The following ROBO2 variants were observed in gnomAD, a reference collection of about 807,000 sequenced individuals.
ROBO2 encodes roundabout homolog 2.
ROBO2 carries 53 observed loss-of-function variants against 160.8 expected under a neutral mutation model. That is an observed-to-expected ratio of 0.33 (90% CI 0.26 to 0.41). The LOEUF (loss-of-function observed/expected upper bound fraction) is 0.41. Ranked by LOEUF, ROBO2 falls within the 10% of genes least tolerant of loss-of-function variation. The pLI is 1.00. For synonymous variants in ROBO2, 664 were observed against 611.7 expected, an observed-to-expected ratio of 1.09 and a Z score of -1.26; for missense variants, 1,577 against 1,722.4, an observed-to-expected ratio of 0.92 and a Z score of 1.49.
At chr3:76,822,035 T>C (rs1015312485) in intron 2 of ROBO2, among the ~76,000 whole-genome samples, 1 of 151,926 alleles carries the variant, frequency 6.6e-6, no homozygotes, top group African/African-American at 2.4e-5. Flanking sequence ...TATAAATAAA[T>C]ATTTGGTGGT....
chr3:76,760,817 A>C (rs2108367894), intron 2 of ROBO2, among the ~76,000 whole-genome samples: 1 of 151,930 alleles, frequency 6.6e-6, no homozygotes, highest in East Asian at 2.0e-4. Context: ...CAATTTTATT[A>C]GTTTTAGAGT....
chr3:76,536,519 T>C (rs557659043), intron 2 of ROBO2, among the ~76,000 whole-genome samples: 1 of 152,216 alleles, frequency 6.6e-6, no homozygotes, highest in East Asian at 1.9e-4. Context: ...CTTGTCATAA[T>C]TGATAGCTTT....
At chr3:77,525,902 T>A (rs1408274924) in intron 6 of ROBO2, among the ~76,000 whole-genome samples, 1 of 149,714 alleles carries the variant, frequency 6.7e-6, no homozygotes, top group Admixed American at 6.7e-5. Context: ...AATTCAAAGA[T>A]GAAAAACAAA....
intron 2 of ROBO2, among the ~76,000 whole-genome samples, chr3:76,264,348 C>T (rs1274745100): frequency 6.0e-5 from 9 of 150,470 alleles, no homozygotes; most frequent in South Asian, 2.1e-4. Context: ...TTTTTTCCCC[C>T]TTGGTGGCCT....
At chr3:76,872,475 C>T (rs1007201192) in intron 2 of ROBO2, among the ~76,000 whole-genome samples, 5 of 151,884 alleles carry the variant, frequency 3.3e-5, no homozygotes, top group Admixed American at 3.3e-4. Flanking sequence ...AGTTAAGCAG[C>T]TCTGTATATT....
At chr3:76,855,313 C>T (rs199766906) in intron 2 of ROBO2, among the ~76,000 whole-genome samples, 1 of 152,134 alleles carries the variant, frequency 6.6e-6, no homozygotes, top group East Asian at 1.9e-4. Flanking sequence ...AGGAGTGGGG[C>T]AGAGATTTTA....
intron 1 of ROBO2, among the ~76,000 whole-genome samples, chr3:77,083,025 T>G (rs1283276021): frequency 6.6e-6 from 1 of 152,148 alleles, no homozygotes; most frequent in African/African-American, 2.4e-5. Context: ...ATGGGCAGTT[T>G]AGATACATAT....
intron 2 of ROBO2, among the ~76,000 whole-genome samples, chr3:76,571,813 A>G (rs1379204763): frequency 1.3e-5 from 2 of 152,178 alleles, no homozygotes; most frequent in Admixed American, 1.3e-4. Context: ...TTTTAAAACC[A>G]TCTTCCGTAT....
At chr3:76,883,658 G>C (rs1390922555) in intron 2 of ROBO2, among the ~76,000 whole-genome samples, 1 of 152,156 alleles carries the variant, frequency 6.6e-6, no homozygotes, top group Non-Finnish European at 1.5e-5. Context: ...ATCTAAGGTT[G>C]CTAACTATTC....
chr3:76,331,747 G>C lies in ROBO2; in HGVS notation c.109+394145G>C, dbSNP rs551485639. ...TCTGTCGCCCAGGCCTGGAGTTCAC[G>C]ATCTCAACTCACTGCAACTTCTGCC... is the stretch of plus-strand genomic sequence containing the variant. On this transcript the variant is annotated intron_variant, in intron 2 of 26. Transcript: ENST00000487694. Among the ~76,000 whole-genome samples, 9 of 149,572 alleles carry C rather than the reference G, an allele frequency of 6.0e-5. No individual in the cohort carries two copies. In the East Asian group the frequency reaches 1.6e-3, roughly 26 times the overall value.
chr3:76,814,960 T>C (rs2065531946), intron 2 of ROBO2, among the ~76,000 whole-genome samples: 1 of 152,040 alleles, frequency 6.6e-6, no homozygotes, highest in African/African-American at 2.4e-5. Flanking sequence ...AAACAAGCAA[T>C]TCATGCATCC....
intron 2 of ROBO2, among the ~76,000 whole-genome samples, chr3:76,780,626 G>T (rs1334475769): frequency 2.0e-5 from 3 of 150,516 alleles, no homozygotes; most frequent in Non-Finnish European, 4.5e-5. Context: ...CAGTTTAAGG[G>T]TTCAATTTTA....
intron 2 of ROBO2, among the ~76,000 whole-genome samples, chr3:75,957,330 C>A (rs973444687): frequency 6.6e-6 from 1 of 150,810 alleles, no homozygotes. Context: ...GTGCTAATAA[C>A]CATATCAATT....
At chr3:76,790,389 C>G (rs1465670162) in intron 2 of ROBO2, among the ~76,000 whole-genome samples, 1 of 151,718 alleles carries the variant, frequency 6.6e-6, no homozygotes, top group African/African-American at 2.4e-5. Flanking sequence ...TGGAACAATA[C>G]AGTTTCAAAC....
At chr3:77,023,846 A>T (rs1377868161) in intron 2 of ROBO2, among the ~76,000 whole-genome samples, 2 of 152,332 alleles carry the variant, frequency 1.3e-5, no homozygotes, top group African/African-American at 2.4e-5. Context: ...AGCAGTTTTT[A>T]AAAATGTTCT....
intron 2 of ROBO2, among the ~76,000 whole-genome samples, chr3:76,037,784 A>G (rs115531667): frequency 0.017 from 2,575 of 152,168 alleles, 112 homozygotes; most frequent in African/African-American, 0.06. Flanking sequence ...AGATAGAGTG[A>G]TATTATAGAA....
chr3:76,596,065 G>A (rs2086714775), intron 2 of ROBO2, among the ~76,000 whole-genome samples: 1 of 151,780 alleles, frequency 6.6e-6, no homozygotes, highest in South Asian at 2.1e-4. Context: ...AAAGGTTTGG[G>A]GAATAAAAGT....
chr3:76,344,160 ATTTG>A (rs1398741212), intron 2 of ROBO2, among the ~76,000 whole-genome samples: 2 of 152,162 alleles, frequency 1.3e-5, no homozygotes, highest in East Asian at 3.9e-4. Context: ...AAGATAATTT[ATTTG>A]TTTGAGTTAA....
At position 77,492,749 on chromosome 3, in the gene ROBO2, T is replaced by G. The variant is rs1372270618; in HGVS notation, c.668-495T>G. On this transcript the variant is annotated intron_variant, in intron 4 of 25. Transcript: ENST00000461745. ...AGTCCTTATCAAATCATAGCTTAAG[T>G]GGGAAAATCTAGGTAATACATATGT... is the stretch of plus-strand genomic sequence containing the variant. 2.0e-5 allele frequency among the ~76,000 whole-genome samples: 3 copies of G among 152,180 alleles called. No homozygotes were observed. The East Asian group carries it at 5.8e-4, about 29-fold the overall frequency.
Sources: allele counts gnomAD v4.1 joint callset (sites outside exome capture counted in the v4.1 genomes callset), GRCh38; gene constraint gnomAD v4.1.1; transcripts MANE v1.5; gene names NCBI Gene and HGNC (gene_info 2026-07-23, HGNC 2026-07-21).